The following CPM variants were observed in gnomAD, a reference collection of about 807,000 sequenced individuals.
CPM encodes carboxypeptidase M, also known as renal carboxypeptidase.
CPM carries 35 observed loss-of-function variants against 46.4 expected under a neutral mutation model. The observed-to-expected ratio is 0.75, with a 90% CI of 0.58 to 1.00. The LOEUF (loss-of-function observed/expected upper bound fraction) is 1.00, where lower values mean the gene tolerates loss of function less well. Ranked by LOEUF, CPM falls within the 50% of genes least tolerant of loss-of-function variation. CPM has a pLI of 0.00. For missense variants in CPM, 422 were observed against 530.4 expected, an observed-to-expected ratio of 0.80 and a Z score of 2.01; for synonymous variants, 195 against 195.3, an observed-to-expected ratio of 1.00 and a Z score of 0.01.
chr12:68,918,639 A>G (rs533411091), intron 2 of CPM, among the ~76,000 whole-genome samples: 20 of 152,154 alleles, frequency 1.3e-4, no homozygotes, highest in Non-Finnish European at 1.9e-4. Flanking sequence ...ATCCAATCCA[A>G]TCCAACCCAA....
intron 7 of CPM, among the ~76,000 whole-genome samples, chr12:68,865,968 G>A (rs78760211): frequency 0.018 from 2,774 of 152,292 alleles, 39 homozygotes; most frequent in African/African-American, 0.034. Context: ...CGCTCCCGGT[G>A]AGTCCACTGC....
chr12:68,880,870 G>A (rs761632283), intron 3 of CPM, among the ~76,000 whole-genome samples: 1 of 152,194 alleles, frequency 6.6e-6, no homozygotes, highest in Non-Finnish European at 1.5e-5. Context: ...GATTAATGTG[G>A]CATAGTGAGC....
intron 1 of CPM, among the ~76,000 whole-genome samples, chr12:68,946,750 T>C (rs1888854256): frequency 6.6e-6 from 1 of 152,212 alleles, no homozygotes; most frequent in Admixed American, 6.5e-5. Context: ...ACTGAACTTA[T>C]GCAAATAGCG....
chr12:68,845,112 A>T (rs7959903), intron 5 of CPM: 15,069 of 221,416 alleles, frequency 0.068, 2,278 homozygotes, highest in African/African-American at 0.32. Flanking sequence ...CTGTAGGCTT[A>T]TGATGGTAAC....
chr12:68,946,229 C>T (rs1395017785), intron 1 of CPM, among the ~76,000 whole-genome samples: 1 of 152,066 alleles, frequency 6.6e-6, no homozygotes, highest in East Asian at 1.9e-4. Context: ...CTCCAGTTTT[C>T]CCCCATTTTT....
chr12:68,865,687 C>T (rs1043107476), intron 7 of CPM, among the ~76,000 whole-genome samples: 2 of 152,098 alleles, frequency 1.3e-5, no homozygotes, highest in Middle Eastern at 3.4e-3. Flanking sequence ...TATGCCAATT[C>T]CTGATATGTT....
intron 2 of CPM, among the ~76,000 whole-genome samples, chr12:68,922,974 T>C (rs1194820184): frequency 1.3e-5 from 2 of 152,150 alleles, no homozygotes; most frequent in Non-Finnish European, 2.9e-5. Flanking sequence ...TGGAGTGCAG[T>C]GGCTGTTCAC....
chr12:68,886,589 G>A (rs1198907702), intron 2 of CPM, among the ~76,000 whole-genome samples: 5 of 152,126 alleles, frequency 3.3e-5, no homozygotes, highest in African/African-American at 4.8e-5. Flanking sequence ...CCAAGATCGC[G>A]CCACTGCATT....
At chr12:68,955,677 A>C (rs1889003675) in intron 1 of CPM, among the ~76,000 whole-genome samples, 1 of 152,136 alleles carries the variant, frequency 6.6e-6, no homozygotes, top group Non-Finnish European at 1.5e-5. Context: ...AGGAGGCCCA[A>C]AGTGGGTAGC....
intron 2 of CPM, among the ~76,000 whole-genome samples, chr12:68,923,175 G>A (rs1359753713): frequency 7.7e-6 from 1 of 130,462 alleles, no homozygotes; most frequent in African/African-American, 2.9e-5. Flanking sequence ...GTGTGTGTGT[G>A]TGTGTGTGTG....
intron 2 of CPM, among the ~76,000 whole-genome samples, chr12:68,926,818 G>GT (rs989049114): frequency 7.9e-5 from 12 of 152,020 alleles, no homozygotes; most frequent in Non-Finnish European, 1.8e-4. Context: ...GTGGTGTTTG[G>GT]TTTTTTGTTC....
At chr12:68,887,929 C>A (rs889799616) in intron 2 of CPM, among the ~76,000 whole-genome samples, 17 of 152,236 alleles carry the variant, frequency 1.1e-4, no homozygotes, top group African/African-American at 4.1e-4. Context: ...GGTGATTCCC[C>A]ATCAGAAGCA....
chr12:68,936,067 G>A (rs1414579327), upstream of CPM, among the ~76,000 whole-genome samples: 1 of 152,128 alleles, frequency 6.6e-6, no homozygotes, highest in African/African-American at 2.4e-5. Context: ...TCAGAGAATG[G>A]AGGTAGGGGG....
chr12:68,872,203 A>G (rs1311241539), intron 3 of CPM, among the ~76,000 whole-genome samples: 3 of 150,388 alleles, frequency 2.0e-5, no homozygotes, highest in Non-Finnish European at 4.4e-5. Flanking sequence ...TAGTTTACAT[A>G]TTGCAAAAAT....
rs373408348 is a variant in CPM, at chr12:68,866,936, G to A, written c.900C>T (p.Asn300=). The A allele has an allele frequency of 1.2e-6, 2 of 1,614,060 alleles. No homozygotes were observed. Among genetic ancestry groups the A allele is most frequent in the Non-Finnish European group, 1.7e-6 (2 of 1,179,984 alleles). The change falls in exon 7 of 9, where the codon AAC becomes AAT. Residue 300 remains asparagine (N), a synonymous_variant. Coordinates refer to ENST00000551568, the MANE Select transcript of CPM (RefSeq NM_198320.5). ...TTATATATTCAATTAATGAGGCTTT[G>A]TTATTATTCCAAAAGGATGGAAGCT... is the stretch of plus-strand genomic sequence containing the variant. The part of the protein sequence containing the change: ...EEKLPSFWNN[N]KASLIEYIKQ...
intron 2 of CPM, among the ~76,000 whole-genome samples, chr12:68,927,401 C>T (rs1237052521): frequency 2.6e-5 from 4 of 152,148 alleles, no homozygotes; most frequent in South Asian, 4.2e-4. Flanking sequence ...ACCCACTTCT[C>T]GATGGGGTTG....
chr12:68,958,698 G>A (rs1592717820), intron 1 of CPM, among the ~76,000 whole-genome samples: 1 of 152,078 alleles, frequency 6.6e-6, no homozygotes, highest in African/African-American at 2.4e-5. Context: ...AATGCCAGAG[G>A]GGTGTTTTAA....
At chr12:68,874,637 A>C (rs1398751506) in intron 3 of CPM, among the ~76,000 whole-genome samples, 1 of 152,150 alleles carries the variant, frequency 6.6e-6, no homozygotes, top group Non-Finnish European at 1.5e-5. Flanking sequence ...AATGTGAAAA[A>C]GATCGTTGGT....
intron 2 of CPM, among the ~76,000 whole-genome samples, chr12:68,922,618 A>ATTTTTTTTT (rs10603077): frequency 1.4e-5 from 2 of 138,118 alleles, no homozygotes; most frequent in Non-Finnish European, 1.6e-5. Context: ...AGTTGGCAGC[A>ATTTTTTTTT]TTTTTTTTTT....
Sources: gnomAD v4.1 joint callset for allele counts (sites outside exome capture counted in the v4.1 genomes callset) on GRCh38, gnomAD v4.1.1 for gene constraint, MANE v1.5 for transcripts, NCBI Gene and HGNC (gene_info 2026-07-23, HGNC 2026-07-21) for gene names.